Variants in MAP4K4 observed in about 807,000 individuals in gnomAD.
The protein encoded by MAP4K4 is mitogen-activated protein kinase kinase kinase kinase 4.
A neutral mutation model predicts 189.6 loss-of-function variants in MAP4K4; 38 were observed. That is an observed-to-expected ratio of 0.20 (90% CI 0.15 to 0.26). The LOEUF (loss-of-function observed/expected upper bound fraction) is 0.26. MAP4K4 is among the 10% of genes least tolerant of loss of function. MAP4K4 has a pLI of 1.00. For missense variants in MAP4K4, 1,054 were observed against 1,726.9 expected, an observed-to-expected ratio of 0.61 and a Z score of 6.91; for synonymous variants, 610 against 624.3, an observed-to-expected ratio of 0.98 and a Z score of 0.34.
exon 20 of MAP4K4, chr2:101,867,299 T>A: frequency 6.2e-7 from 1 of 1,604,460 alleles, no homozygotes; most frequent in Non-Finnish European, 8.5e-7. Flanking sequence ...TTCAGACCCC[T>A]CAAGCCTGCT....
At chr2:101,836,560 C>A (rs936791474) in intron 9 of MAP4K4, among the ~76,000 whole-genome samples, 3 of 151,900 alleles carry the variant, frequency 2.0e-5, no homozygotes, top group African/African-American at 7.3e-5. Context: ...TGCACTCCAG[C>A]CTGGGTAACA....
In MAP4K4 at chr2:101,838,260, T is replaced by C. The variant is rs531959523; in HGVS notation, c.774-1559T>C. ...CTGGGGAGTGACTCAGGTATTTGTA[T>C]CTTCAATAAACTCCCCAAAATGATC... On this transcript the variant is annotated intron_variant, in intron 9 of 32. Transcript: ENST00000324219. 3.3e-5 allele frequency among the ~76,000 whole-genome samples: 5 copies of C among 152,338 alleles called. No homozygotes were observed. In the South Asian group the frequency reaches 1.0e-3, roughly 32 times the overall value.
intron 3 of MAP4K4, among the ~76,000 whole-genome samples, chr2:101,803,702 T>C (rs1160040404): frequency 1.3e-5 from 2 of 152,224 alleles, no homozygotes; most frequent in Non-Finnish European, 2.9e-5. Context: ...TGAAAATCTA[T>C]AGTAGCAACA....
chr2:101,868,918 G>A (rs559537364), intron 21 of MAP4K4, among the ~76,000 whole-genome samples: 1 of 152,006 alleles, frequency 6.6e-6, no homozygotes, highest in African/African-American at 2.4e-5. Flanking sequence ...TTGGTGTAAA[G>A]ACACATGTCT....
At chr2:101,882,433 C>G in intron 27 of MAP4K4, 118 bp from the exon 28 acceptor site, 1 of 683,340 alleles carries the variant, frequency 1.5e-6, no homozygotes, top group East Asian at 3.1e-5. Flanking sequence ...TTGTGACTTG[C>G]CTTTCACTAG....
chr2:101,725,479 C>G (rs982560048), intron 2 of MAP4K4, among the ~76,000 whole-genome samples: 1 of 151,150 alleles, frequency 6.6e-6, no homozygotes, highest in African/African-American at 2.4e-5. Context: ...TTTGTTTATT[C>G]TATAATCACA....
intron 3 of MAP4K4, among the ~76,000 whole-genome samples, chr2:101,806,945 C>T (rs1288423117): frequency 6.6e-6 from 1 of 152,152 alleles, no homozygotes; most frequent in African/African-American, 2.4e-5. Flanking sequence ...TCTCCCTGGG[C>T]CTGGCTGGCC....
chr2:101,774,268 G>C (rs1176476503), intron 2 of MAP4K4, among the ~76,000 whole-genome samples: 1 of 152,186 alleles, frequency 6.6e-6, no homozygotes, highest in African/African-American at 2.4e-5. Context: ...GGGGTGAGAT[G>C]ATATCTCATT....
intron 28 of MAP4K4, among the ~76,000 whole-genome samples, chr2:101,883,494 A>T (rs1457467066): frequency 6.6e-6 from 1 of 152,190 alleles, no homozygotes; most frequent in African/African-American, 2.4e-5. Flanking sequence ...CACCACGCCC[A>T]GCTAATCAAA....
chr2:101,723,061 G>A (rs2053146577), intron 2 of MAP4K4, among the ~76,000 whole-genome samples: 1 of 152,218 alleles, frequency 6.6e-6, no homozygotes, highest in Admixed American at 6.5e-5. Flanking sequence ...AAGGCGTCAG[G>A]AGGGAAAATG....
intron 31 of MAP4K4, 113 bp downstream of exon 31, chr2:101,888,050 A>AC: frequency 1.1e-6 from 1 of 910,350 alleles, no homozygotes. Flanking sequence ...CTACCATTGA[A>AC]CAGAGTAGTT....
At chr2:101,802,355 A>G (rs1489942116) in intron 3 of MAP4K4, among the ~76,000 whole-genome samples, 1 of 152,174 alleles carries the variant, frequency 6.6e-6, no homozygotes, top group African/African-American at 2.4e-5. Flanking sequence ...AAGTCAGAAT[A>G]GAGTCTTTCA....
intron 2 of MAP4K4, among the ~76,000 whole-genome samples, chr2:101,709,543 T>C (rs1035591894): frequency 1.3e-5 from 2 of 152,224 alleles, no homozygotes; most frequent in Non-Finnish European, 2.9e-5. Flanking sequence ...TTCTTTCTTA[T>C]CGCTATGAAG....
intron 4 of MAP4K4, among the ~76,000 whole-genome samples, chr2:101,824,677 G>T (rs76553911): frequency 1.4e-4 from 21 of 152,242 alleles, no homozygotes; most frequent in African/African-American, 5.1e-4. Context: ...GGCTATTACA[G>T]AAAACATTTG....
chr2:101,869,084 TTTA>T (rs1004708490), intron 21 of MAP4K4, among the ~76,000 whole-genome samples: 1 of 151,904 alleles, frequency 6.6e-6, no homozygotes, highest in African/African-American at 2.4e-5. Flanking sequence ...AATATTAATA[TTTA>T]TTACTAAAAT....
At chr2:101,711,833 T>G (rs1456914812) in intron 2 of MAP4K4, among the ~76,000 whole-genome samples, 1 of 132,744 alleles carries the variant, frequency 7.5e-6, no homozygotes, top group Non-Finnish European at 1.6e-5. Flanking sequence ...AAATATATTC[T>G]TATTGTTATA....
intron 1 of MAP4K4, 94 bp downstream of exon 1, chr2:101,698,231 C>G (rs1353771470): frequency 1.0e-5 from 5 of 478,828 alleles, no homozygotes; most frequent in Non-Finnish European, 1.1e-5. Context: ...CGGGCGCCGC[C>G]GTGGGCAGAG....
chr2:101,886,795 A>G (rs1035808858), intron 29 of MAP4K4, among the ~76,000 whole-genome samples: 5 of 152,072 alleles, frequency 3.3e-5, no homozygotes, highest in Non-Finnish European at 5.9e-5. Context: ...TAATTCCAGC[A>G]CTTTGGGAGG....
At chr2:101,739,415 T>A (rs1368399641) in intron 2 of MAP4K4, among the ~76,000 whole-genome samples, 2 of 152,116 alleles carry the variant, frequency 1.3e-5, no homozygotes, top group African/African-American at 4.8e-5. Context: ...CATTTAATTC[T>A]AAAGCTTCTA....
Sources: gnomAD v4.1 joint callset for allele counts (sites outside exome capture counted in the v4.1 genomes callset) on GRCh38, gnomAD v4.1.1 for gene constraint, MANE v1.5 for transcripts, NCBI Gene and HGNC (gene_info 2026-07-23, HGNC 2026-07-21) for gene names.